The following ZNF410 variants were observed in gnomAD, a reference collection of about 807,000 sequenced individuals.
ZNF410 encodes the protein zinc finger protein 410.
In ZNF410, 18 loss-of-function variants were observed where a neutral mutation model predicts 54.8. The ratio of observed to expected loss-of-function variants is 0.33; its 90% CI spans 0.23 to 0.49. ZNF410 has a LOEUF of 0.49. Ranked by LOEUF, ZNF410 falls within the 20% of genes least tolerant of loss-of-function variation. The pLI is 0.99. For synonymous variants in ZNF410, 191 were observed against 207.3 expected (o/e 0.92, Z 0.68); for missense variants, 405 against 569.6 (o/e 0.71, Z 2.94).
At chr14:73,903,821 A>G in intron 5 of ZNF410, 139 bp from the exon 6 acceptor site, 2 of 1,193,466 alleles carry the variant, frequency 1.7e-6, no homozygotes, top group South Asian at 1.5e-5. Flanking sequence ...TGTTAAGTGC[A>G]TACAAAGATA....
chr14:73,926,516 C>A (rs2055835796), intron 11 of ZNF410, among the ~76,000 whole-genome samples: 1 of 152,080 alleles, frequency 6.6e-6, no homozygotes. Flanking sequence ...TCACTGCAAC[C>A]TCTGCCTCCC....
intron 8 of ZNF410, among the ~76,000 whole-genome samples, chr14:73,911,268 CAAGGAG>C (rs2055573589): frequency 6.6e-6 from 1 of 151,956 alleles, no homozygotes; most frequent in Non-Finnish European, 1.5e-5. Flanking sequence ...GAGATGAACT[CAAGGAG>C]GAGAGGGATT....
At chr14:73,921,285 TA>T (rs2055751078) in intron 9 of ZNF410, 180 bp downstream of exon 9, 1 of 616,582 alleles carries the variant, frequency 1.6e-6, no homozygotes, top group Non-Finnish European at 2.5e-6. Flanking sequence ...TGCAACCTTT[TA>T]AAATTTATAT....
chr14:73,932,120 C>T lies in ZNF410; in HGVS notation c.*579C>T. 2 of 438,822 alleles carry T rather than the reference C, an allele frequency of 4.6e-6. No individual in the cohort carries two copies. Among genetic ancestry groups the T allele is most frequent in the Admixed American group, 2.4e-5 (1 of 41,034 alleles). The allele number at this position is 438,822 out of a possible 1,614,324, so 27.2% of individuals were successfully genotyped here. A position where few individuals can be genotyped will look rare whatever the true frequency, so the allele number is the denominator to read the frequency against. On this transcript the variant is annotated 3_prime_UTR_variant, in exon 12 of 12. Transcript: ENST00000555044. ...CCCTTGGCCCAGGCTGAGGTACTAT[C>T]TTGTCCTATACACTTCTACTTGGTC...
chr14:73,896,333 T>C lies in ZNF410; in HGVS notation c.187T>C (p.Ser63Pro), dbSNP rs778394210. ...LMLPDDTTNH[S>P]NSSKEVPSSA... ...TTTACTAGATGATACTACAAATCAT[T>C]CTAACTCCTCCAAGGAGGTCCCTTC... The change falls in exon 4 of 12, where the codon TCT (serine) becomes CCT (proline). Residue 63 changes from serine (S) to proline (P), a missense_variant. Coordinates refer to ENST00000555044, the MANE Select transcript of ZNF410 (RefSeq NM_021188.3). 1.7e-5 allele frequency: 27 copies of C among 1,613,976 alleles called. No individual in the cohort carries two copies. Among genetic ancestry groups the C allele is most frequent in the Middle Eastern group, 3.3e-4 (2 of 6,078 alleles).
chr14:73,917,283 C>T (rs2055681694), intron 8 of ZNF410, among the ~76,000 whole-genome samples: 1 of 151,952 alleles, frequency 6.6e-6, no homozygotes, highest in Admixed American at 6.6e-5. Flanking sequence ...TGTTTAAATA[C>T]CCTTTAAATC....
chr14:73,905,964 CACACAT>C (rs772458122), intron 7 of ZNF410, among the ~76,000 whole-genome samples: 2,950 of 100,510 alleles, frequency 0.029, 95 homozygotes, highest in African/African-American at 0.088. Context: ...CACACACACA[CACACAT>C]ATATATATAT....
chr14:73,917,297 G>T (rs1389813565), intron 8 of ZNF410, among the ~76,000 whole-genome samples: 1 of 152,054 alleles, frequency 6.6e-6, no homozygotes, highest in Admixed American at 6.6e-5. Flanking sequence ...TTAAATCATT[G>T]TTTTAATATA....
At chr14:73,896,066 G>C in intron 3 of ZNF410, 1 of 480,374 alleles carries the variant, frequency 2.1e-6, no homozygotes, top group Non-Finnish European at 3.7e-6. Flanking sequence ...AATGTTGAAT[G>C]GTTGGTTATT....
At chr14:73,897,067 G>C (rs979284277) in intron 4 of ZNF410, among the ~76,000 whole-genome samples, 1 of 152,156 alleles carries the variant, frequency 6.6e-6, no homozygotes, top group Admixed American at 6.5e-5. Context: ...CTGGGAGAGA[G>C]TGGTAGCAGG....
chr14:73,930,344 G>C (rs2055893134), intron 11 of ZNF410, among the ~76,000 whole-genome samples: 1 of 151,768 alleles, frequency 6.6e-6, no homozygotes, highest in African/African-American at 2.4e-5. Context: ...AGTTTTTTTG[G>C]TGGATACAGT....
At chr14:73,891,968 G>A in intron 1 of ZNF410, 59 bp from the exon 2 acceptor site, 1 of 689,128 alleles carries the variant, frequency 1.5e-6, no homozygotes, top group South Asian at 1.6e-5. Flanking sequence ...GTGTCTTTAT[G>A]TACCTGTGTT....
At chr14:73,912,314 C>T (rs564103930) in intron 8 of ZNF410, among the ~76,000 whole-genome samples, 80 of 152,078 alleles carry the variant, frequency 5.3e-4, no homozygotes, top group Non-Finnish European at 9.0e-4. Context: ...GTATTACAGG[C>T]GCGTGCCACC....
chr14:73,930,984 G>GT (rs2055903618), intron 11 of ZNF410, among the ~76,000 whole-genome samples: 1 of 152,182 alleles, frequency 6.6e-6, no homozygotes, highest in Non-Finnish European at 1.5e-5. Flanking sequence ...AGAGTAGAAT[G>GT]TTAGTGGTAG....
chr14:73,932,425 T>C lies in ZNF410; in HGVS notation c.*884T>C, dbSNP rs971269731. 4.4e-6 allele frequency: 2 copies of C among 453,282 alleles called. No homozygotes were observed. Among genetic ancestry groups the C allele is most frequent in the Non-Finnish European group, 4.4e-6 (1 of 226,204 alleles). 28.1% of individuals were successfully genotyped at this position (453,282 alleles called of 1,614,324 possible). On this transcript the variant is annotated 3_prime_UTR_variant, in exon 12 of 12. Transcript: ENST00000555044. ...AGTCTTAGGAAACAACAAGAACATC[T>C]TCATTTCTTAAGCCCAGGTGATAGT...
intron 5 of ZNF410, among the ~76,000 whole-genome samples, chr14:73,901,004 CAT>C (rs1440257734): frequency 6.6e-6 from 1 of 152,202 alleles, no homozygotes; most frequent in Non-Finnish European, 1.5e-5. Flanking sequence ...GCATTTTTAA[CAT>C]AAATATTTTT....
At chr14:73,929,016 A>G (rs2055873842) in intron 11 of ZNF410, among the ~76,000 whole-genome samples, 1 of 152,200 alleles carries the variant, frequency 6.6e-6, no homozygotes, top group Admixed American at 6.5e-5. Context: ...TGGAAGCCCA[A>G]AACACTTAGA....
chr14:73,901,101 T>C (rs965361481), intron 5 of ZNF410, among the ~76,000 whole-genome samples: 3 of 152,268 alleles, frequency 2.0e-5, no homozygotes, highest in African/African-American at 7.2e-5. Flanking sequence ...TCTAAGTTGT[T>C]TGAAATACAG....
chr14:73,925,348 T>A (rs2055813593), intron 11 of ZNF410, among the ~76,000 whole-genome samples: 1 of 152,078 alleles, frequency 6.6e-6, no homozygotes, highest in Admixed American at 6.6e-5. Flanking sequence ...CAGAGTACAG[T>A]GAGAGAGAGA....
Sources: allele counts gnomAD v4.1 joint callset (sites outside exome capture counted in the v4.1 genomes callset), GRCh38; gene constraint gnomAD v4.1.1; transcripts MANE v1.5; gene names NCBI Gene and HGNC (gene_info 2026-07-23, HGNC 2026-07-21).